CFHR5: variants seen among roughly 807,000 people sequenced by gnomAD.
CFHR5 encodes complement factor H-related protein 5.
CFHR5 carries 73 observed loss-of-function variants against 62.9 expected under a neutral mutation model. That is an observed-to-expected ratio of 1.16 (90% CI 0.96 to 1.41). CFHR5 has a LOEUF of 1.41. Ranked by LOEUF, CFHR5 falls within the 40% of genes most tolerant of loss-of-function variation. The pLI is 0.00. For synonymous variants in CFHR5, 249 were observed against 227.2 expected, an observed-to-expected ratio of 1.10 and a Z score of -0.86; for missense variants, 779 against 679.9, an observed-to-expected ratio of 1.15 and a Z score of -1.62.
chr1:196,984,422 T>A (rs1182039504), intron 3 of CFHR5, among the ~76,000 whole-genome samples: 1 of 152,206 alleles, frequency 6.6e-6, no homozygotes, highest in African/African-American at 2.4e-5. Flanking sequence ...TAGTTGACAA[T>A]AAATGGTTAC....
intron 7 of CFHR5, among the ~76,000 whole-genome samples, chr1:197,000,912 C>T (rs937809434): frequency 2.0e-5 from 3 of 152,106 alleles, no homozygotes; most frequent in Admixed American, 1.3e-4. Context: ...ATATTGAAAA[C>T]TGACCCATCT....
upstream of CFHR5, among the ~76,000 whole-genome samples, chr1:196,976,346 C>T (rs555195717): frequency 6.6e-6 from 1 of 152,252 alleles, no homozygotes; most frequent in Non-Finnish European, 1.5e-5. Context: ...CTAGTATCCT[C>T]TAGTCTTCTC....
At chr1:196,994,977 A>G (rs1346646090) in intron 4 of CFHR5, among the ~76,000 whole-genome samples, 1 of 152,080 alleles carries the variant, frequency 6.6e-6, no homozygotes, top group Non-Finnish European at 1.5e-5. Flanking sequence ...TAATTCAATT[A>G]CCTCCCACCA....
At chr1:197,008,350 A>C (rs1654345790) in intron 9 of CFHR5, 137 bp from the exon 10 acceptor site, 2 of 376,632 alleles carry the variant, frequency 5.3e-6, no homozygotes, top group African/African-American at 4.3e-5. Flanking sequence ...TAACTCAATA[A>C]ATATTATTTT....
At chr1:196,977,432 A>G (rs1249438446), upstream of CFHR5, 1 of 543,570 alleles carries the variant, frequency 1.8e-6, no homozygotes, top group Admixed American at 3.1e-5. Flanking sequence ...TTAAATAAAT[A>G]TTACATAACG....
chr1:197,007,131 G>A (rs1048215276), intron 9 of CFHR5, among the ~76,000 whole-genome samples: 9 of 151,954 alleles, frequency 5.9e-5, no homozygotes, highest in Middle Eastern at 3.4e-3. Flanking sequence ...CACCACGCCC[G>A]GCCCAATGTA....
In CFHR5 at chr1:196,994,146, A is replaced by C. The variant is rs1009336822; in HGVS notation, c.497A>C (p.Lys166Thr). The change falls in exon 4 of 10, where the codon AAA (lysine) becomes ACA (threonine). Residue 166 changes from lysine (K) to threonine (T), a missense_variant. Coordinates refer to ENST00000256785, the MANE Select transcript of CFHR5 (RefSeq NM_030787.4). The part of the protein sequence containing the change: ...VDAQPKKESY[K>T]VGDVLKFSCR... ...GCTCAGCCAAAAAAAGAAAGCTACA[A>C]AGTTGGAGACGTGTTGAAATTCTCC... The C allele has an allele frequency of 6.2e-7, 1 of 1,613,574 alleles. No homozygotes were observed. The highest frequency in any genetic ancestry group is 8.5e-7 in the Non-Finnish European group (1 of 1,179,680).
intron 9 of CFHR5, 101 bp from the exon 10 acceptor site, chr1:197,008,386 C>T (rs1030795519): frequency 1.4e-5 from 8 of 590,594 alleles, no homozygotes. Context: ...TATTTTTCAT[C>T]ATTTTAATTC....
At chr1:196,994,017 A>C (rs1653919117) in intron 3 of CFHR5, 63 bp from the exon 4 acceptor site, 1 of 1,272,166 alleles carries the variant, frequency 7.9e-7, no homozygotes, top group African/African-American at 1.5e-5. Context: ...ATTTTTATAT[A>C]GCACACATTA....
rs1308886858 is a variant in CFHR5, at chr1:196,998,928, G to C, written c.1147+624G>C. Among the ~76,000 whole-genome samples the C allele has an allele frequency of 2.6e-5, 4 of 152,048 alleles. No homozygotes were observed. In the South Asian group the frequency reaches 8.3e-4, roughly 32 times the overall value. On this transcript the variant is annotated intron_variant, in intron 7 of 9. Transcript: ENST00000256785. ...AAGATAGACTGCAGACTTCTCATCA[G>C]CAACGTCAAAAGCCGAAGAAAATAA... is the stretch of plus-strand genomic sequence containing the variant.
At chr1:196,990,221 T>C (rs1653809876) in intron 3 of CFHR5, among the ~76,000 whole-genome samples, 1 of 152,102 alleles carries the variant, frequency 6.6e-6, no homozygotes, top group South Asian at 2.1e-4. Context: ...TCCATTTGCT[T>C]GGTAGATATT....
chr1:196,977,499 A>G (rs1653426718), upstream of CFHR5: 17 of 704,396 alleles, frequency 2.4e-5, no homozygotes. Flanking sequence ...ATTTCACACA[A>G]CCCTCCATGA....
In CFHR5 at chr1:197,008,653, A is replaced by G. The variant is rs1361337679; in HGVS notation, c.1680A>G (p.Glu560=). 1.4e-5 allele frequency: 23 copies of G among 1,613,670 alleles called. No homozygotes were observed. Among genetic ancestry groups the G allele is most frequent in the Non-Finnish European group, 1.9e-5 (22 of 1,179,780 alleles). The change falls in exon 10 of 10, where the codon GAA becomes GAG. Residue 560 remains glutamate (E), a synonymous_variant. Coordinates refer to ENST00000256785, the MANE Select transcript of CFHR5 (RefSeq NM_030787.4). ...CACCATTTCGAGCAATCTGTCAGGA[A>G]GGGAAATTTGAATATCCTATATGTG... ...SSPPFRAICQ[E]GKFEYPICE
intron 3 of CFHR5, among the ~76,000 whole-genome samples, chr1:196,990,527 T>G (rs1350071336): frequency 6.6e-6 from 1 of 152,158 alleles, no homozygotes; most frequent in Non-Finnish European, 1.5e-5. Flanking sequence ...CTTTTTCATG[T>G]TTAGTGCTTC....
chr1:196,997,559 A>G (rs1274667083), intron 6 of CFHR5, among the ~76,000 whole-genome samples: 1 of 152,112 alleles, frequency 6.6e-6, no homozygotes, highest in Non-Finnish European at 1.5e-5. Flanking sequence ...CAAGAGGCTT[A>G]GTAGGAATTT....
intron 7 of CFHR5, among the ~76,000 whole-genome samples, chr1:196,999,261 C>T (rs1654070303): frequency 6.6e-6 from 1 of 151,830 alleles, no homozygotes; most frequent in Admixed American, 6.6e-5. Context: ...GCAACTGGAA[C>T]ATTTTTATGT....
At chr1:196,978,864 A>T (rs1053996987) in intron 1 of CFHR5, among the ~76,000 whole-genome samples, 8 of 152,158 alleles carry the variant, frequency 5.3e-5, no homozygotes, top group African/African-American at 1.7e-4. Flanking sequence ...AATTATGAGG[A>T]TAATATGTAG....
intron 8 of CFHR5, among the ~76,000 whole-genome samples, chr1:197,003,916 T>C (rs965664491): frequency 1.3e-5 from 2 of 152,132 alleles, no homozygotes; most frequent in Admixed American, 1.3e-4. Context: ...TGAAGAAGGA[T>C]CTTTTACAAG....
chr1:196,992,813 A>C (rs553880703), intron 3 of CFHR5, among the ~76,000 whole-genome samples: 1 of 152,326 alleles, frequency 6.6e-6, no homozygotes, highest in South Asian at 2.1e-4. Context: ...ATTAAGACAC[A>C]TTCTCTTGGG....
Sources: gnomAD v4.1 joint callset for allele counts (sites outside exome capture counted in the v4.1 genomes callset) on GRCh38, gnomAD v4.1.1 for gene constraint, MANE v1.5 for transcripts, NCBI Gene and HGNC (gene_info 2026-07-23, HGNC 2026-07-21) for gene names.